The following SLIT2 variants were observed in gnomAD, a reference collection of about 807,000 sequenced individuals.
SLIT2 encodes the protein slit guidance ligand 2.
Under a neutral mutation model 185.7 loss-of-function variants are expected in SLIT2, and 41 were observed. The observed-to-expected ratio is 0.22, with a 90% CI of 0.17 to 0.29. SLIT2 has a LOEUF of 0.29. SLIT2 is among the 10% of genes least tolerant of loss of function. The pLI is 1.00. For missense variants in SLIT2, 1,571 were observed against 1,909.0 expected, an observed-to-expected ratio of 0.82 and a Z score of 3.30; for synonymous variants, 693 against 680.2, an observed-to-expected ratio of 1.02 and a Z score of -0.29.
intron 4 of SLIT2, among the ~76,000 whole-genome samples, chr4:20,386,295 G>A (rs2109354027): frequency 6.6e-6 from 1 of 152,208 alleles, no homozygotes; most frequent in African/African-American, 2.4e-5. Flanking sequence ...TTTCCCACAG[G>A]TATTACTCTT....
chr4:20,383,904 C>T (rs1392163514), intron 4 of SLIT2, among the ~76,000 whole-genome samples: 1 of 152,004 alleles, frequency 6.6e-6, no homozygotes, highest in South Asian at 2.1e-4. Flanking sequence ...TGGGGTTTCA[C>T]CATGTTGGCC....
intron 4 of SLIT2, among the ~76,000 whole-genome samples, chr4:20,442,265 A>G (rs1226853983): frequency 2.6e-5 from 4 of 152,126 alleles, no homozygotes; most frequent in Non-Finnish European, 5.9e-5. Flanking sequence ...CACGCCTGTA[A>G]TCCCAGCACT....
At chr4:20,430,113 A>C (rs1728861178) in intron 4 of SLIT2, among the ~76,000 whole-genome samples, 1 of 152,248 alleles carries the variant, frequency 6.6e-6, no homozygotes, top group African/African-American at 2.4e-5. Flanking sequence ...TCCAGGAAGT[A>C]CATTGTAAGA....
At chr4:20,339,926 A>G (rs1213594383) in intron 4 of SLIT2, among the ~76,000 whole-genome samples, 1 of 152,206 alleles carries the variant, frequency 6.6e-6, no homozygotes, top group Non-Finnish European at 1.5e-5. Flanking sequence ...ACATTGTCAA[A>G]TTAATCTAAG....
intron 4 of SLIT2, among the ~76,000 whole-genome samples, chr4:20,310,495 A>G (rs1402208175): frequency 2.6e-5 from 4 of 152,134 alleles, no homozygotes; most frequent in Admixed American, 2.6e-4. Flanking sequence ...CCCCACATTC[A>G]GTAAGCCTTC....
intron 4 of SLIT2, among the ~76,000 whole-genome samples, chr4:20,304,739 A>C (rs758590024): frequency 1.3e-5 from 2 of 152,138 alleles, no homozygotes; most frequent in Non-Finnish European, 2.9e-5. Flanking sequence ...CCCAGCGCTC[A>C]GGCCATTTTG....
intron 4 of SLIT2, among the ~76,000 whole-genome samples, chr4:20,363,447 CT>C (rs1162828377): frequency 2.0e-5 from 3 of 152,110 alleles, no homozygotes; most frequent in Non-Finnish European, 4.4e-5. Flanking sequence ...TTGTTTCTGT[CT>C]TTAGGTTTCA....
chr4:20,383,143 G>T (rs1482125193), intron 4 of SLIT2, among the ~76,000 whole-genome samples: 2 of 152,118 alleles, frequency 1.3e-5, no homozygotes, highest in Non-Finnish European at 2.9e-5. Flanking sequence ...GCAAATATGG[G>T]TAGCTAAAAC....
intron 29 of SLIT2, among the ~76,000 whole-genome samples, chr4:20,579,404 T>C (rs1726349401): frequency 6.6e-6 from 1 of 152,072 alleles, no homozygotes; most frequent in Non-Finnish European, 1.5e-5. Flanking sequence ...GGGGTAATAA[T>C]GTATTTCGGA....
rs1308307615 is a variant in SLIT2 at position 20,319,633 on chromosome 4, A to G, written c.395+50752A>G. On this transcript the variant is annotated intron_variant, in intron 4 of 36. Coordinates refer to ENST00000504154, the MANE Select transcript of SLIT2 (RefSeq NM_004787.4). ...GGAATTCCACAAGGGTCAAGATCAC[A>G]TTTTCTAGAAGAGTACATTGCACCT... Among the ~76,000 whole-genome samples the G allele has an allele frequency of 2.6e-5, 4 of 152,120 alleles. No homozygotes were observed. The East Asian group carries it at 7.7e-4, about 29-fold the overall frequency.
At chr4:20,376,523 CCT>C (rs1489136392) in intron 4 of SLIT2, among the ~76,000 whole-genome samples, 3 of 152,010 alleles carry the variant, frequency 2.0e-5, no homozygotes, top group Non-Finnish European at 2.9e-5. Flanking sequence ...CCGAAATCCC[CCT>C]GTCCGTGCAT....
chr4:20,551,354 A>G (rs1250102712), intron 25 of SLIT2, among the ~76,000 whole-genome samples: 2 of 152,202 alleles, frequency 1.3e-5, no homozygotes, highest in Non-Finnish European at 2.9e-5. Flanking sequence ...TAAATTCAAC[A>G]TGGTTCGAGA....
chr4:20,270,410 G>A (rs898478541), intron 4 of SLIT2, among the ~76,000 whole-genome samples: 6 of 151,854 alleles, frequency 4.0e-5, no homozygotes, highest in Non-Finnish European at 2.9e-5. Flanking sequence ...ATATCTCATA[G>A]CAGACCAAGA....
At chr4:20,534,238 T>G (rs767629571) in intron 18 of SLIT2, among the ~76,000 whole-genome samples, 1 of 152,214 alleles carries the variant, frequency 6.6e-6, no homozygotes, top group Non-Finnish European at 1.5e-5. Context: ...ACAGCTTATC[T>G]GGAGACTACT....
intron 4 of SLIT2, among the ~76,000 whole-genome samples, chr4:20,371,979 A>G (rs143774166): frequency 6.6e-6 from 1 of 152,106 alleles, no homozygotes; most frequent in East Asian, 1.9e-4. Flanking sequence ...ATTCTGTGCA[A>G]TATGTTTTTA....
chr4:20,480,963 G>C (rs367740973), intron 6 of SLIT2, among the ~76,000 whole-genome samples, 176 bp downstream of exon 6: 1 of 151,978 alleles, frequency 6.6e-6, no homozygotes, highest in African/African-American at 2.4e-5. Flanking sequence ...GCAAAACCTT[G>C]CGTACCATAT....
At chr4:20,506,956 G>A (rs554747058) in intron 9 of SLIT2, among the ~76,000 whole-genome samples, 1 of 151,830 alleles carries the variant, frequency 6.6e-6, no homozygotes, top group East Asian at 1.9e-4. Flanking sequence ...ACTTTTTTTG[G>A]AACAAGATTG....
Position 20,580,839 on chromosome 4 carries a change from G to T in SLIT2, c.3089-8805G>T, listed in dbSNP as rs145778460. Among the ~76,000 whole-genome samples the T allele has an allele frequency of 2.6e-3, 402 of 152,172 alleles. 10 individuals carry two copies. In the South Asian group the frequency reaches 0.061, roughly 23 times the overall value. The stretch of plus-strand genomic sequence containing the variant: ...TCATGGAGCACTCCTTCTCCTTTGT[G>T]CACCGCTTATTACAGACTGACTGTT... On this transcript the variant is annotated intron_variant, in intron 29 of 36. Coordinates refer to ENST00000504154, the MANE Select transcript of SLIT2 (RefSeq NM_004787.4).
intron 4 of SLIT2, among the ~76,000 whole-genome samples, chr4:20,385,561 C>T (rs1224219455): frequency 6.6e-6 from 1 of 152,156 alleles, no homozygotes; most frequent in Non-Finnish European, 1.5e-5. Flanking sequence ...GCAGTCATAT[C>T]TGCACCTTCA....
Sources: allele counts gnomAD v4.1 joint callset (sites outside exome capture counted in the v4.1 genomes callset), GRCh38; gene constraint gnomAD v4.1.1; transcripts MANE v1.5; gene names NCBI Gene and HGNC (gene_info 2026-07-23, HGNC 2026-07-21).